Variants in OTUD4 observed in about 807,000 individuals in gnomAD.
The protein encoded by OTUD4 is OTU deubiquitinase 4.
Under a neutral mutation model 130.4 loss-of-function variants are expected in OTUD4, and 24 were observed. The ratio of observed to expected loss-of-function variants is 0.18; its 90% confidence interval spans 0.13 to 0.26. The LOEUF is 0.26. Among genes scored for constraint, OTUD4 ranks in the 10% least tolerant of loss-of-function variants. The pLI, the probability that OTUD4 is intolerant of heterozygous loss-of-function variation, is 1.00. For synonymous variants in OTUD4, 420 were observed against 472.5 expected (o/e 0.89, Z 1.44); for missense variants, 1,031 against 1,329.4 (o/e 0.78, Z 3.49).
In OTUD4 at chr4:145,134,956, TA is replaced by T. The variant is rs1750169530; in HGVS notation, c.*2473del. On this transcript the variant is annotated 3_prime_UTR_variant, in exon 21 of 21. Coordinates refer to ENST00000447906, the MANE Select transcript of OTUD4 (RefSeq NM_001366057.1). ...TTCTATACTTTTGCCTCTATTCTCT[TA>T]TAAAGAAATATGTCAACATAACAGT... 3 of 398,160 alleles carry T rather than the reference TA, an allele frequency of 7.5e-6. No homozygotes were observed. In the East Asian group the frequency reaches 1.1e-4, roughly 14 times the overall value. 24.7% of individuals were successfully genotyped at this position (398,160 alleles called of 1,614,324 possible).
chr4:145,137,945 G>T lies in OTUD4; in HGVS notation c.2830C>A (p.Arg944=). The T allele has an allele frequency of 6.2e-7, 1 of 1,614,130 alleles. No individual in the cohort carries two copies. The highest frequency in any genetic ancestry group is 2.2e-5 in the East Asian group (1 of 44,854). ...EGRTEQSSQT[R]KADTALASIP... ...GAAGCCAATGCCGTATCTGCCTTTC[G>T]TGTCTGGGAAGATTGCTCTGTCCGG... Residue 944 remains arginine, a synonymous_variant, in exon 21 of 21, where the codon CGA becomes AGA. Transcript: ENST00000447906.
At position 145,155,299 on chromosome 4, in the gene OTUD4, T is replaced by C. The variant is rs535469200; in HGVS notation, c.873+112A>G. ...AAAATGTATATACATGATAAATATA[T>C]TCTGAAATCCCAAATTAACAACACA... On this transcript the variant is annotated intron_variant, in intron 10 of 20. Transcript: ENST00000447906. 3 of 814,892 alleles carry C rather than the reference T, an allele frequency of 3.7e-6. No homozygotes were observed. In the South Asian group the frequency reaches 4.6e-5, roughly 13 times the overall value. 50.5% of individuals were successfully genotyped at this position (814,892 alleles called of 1,614,324 possible).
chr4:145,161,294 A>G (rs768275346), intron 6 of OTUD4, among the ~76,000 whole-genome samples: 17 of 152,224 alleles, frequency 1.1e-4, no homozygotes, highest in Non-Finnish European at 1.5e-4. Context: ...TCTAGGAGCT[A>G]TCTTTCCCAA....
intron 3 of OTUD4, among the ~76,000 whole-genome samples, chr4:145,166,088 G>A (rs919927960): frequency 6.6e-6 from 1 of 151,580 alleles, no homozygotes; most frequent in Non-Finnish European, 1.5e-5. Context: ...TTGAACCCAG[G>A]AAGCAGAGGT....
At chr4:145,161,111 A>AAACAACAACAACAACAACAAC (rs70956827) in intron 6 of OTUD4, among the ~76,000 whole-genome samples, 2 of 150,696 alleles carry the variant, frequency 1.3e-5, no homozygotes, top group African/African-American at 2.5e-5. Flanking sequence ...CTCCACCTCA[A>AAACAACAACAACAACAACAAC]AACAACAACA....
intron 2 of OTUD4, among the ~76,000 whole-genome samples, chr4:145,172,167 A>G (rs974182247): frequency 2.0e-5 from 3 of 152,270 alleles, no homozygotes; most frequent in Non-Finnish European, 2.9e-5. Flanking sequence ...CCTTGAGCCC[A>G]GGCAGGACTT....
chr4:145,179,790 G>GGC, intron 1 of OTUD4, 25 bp downstream of exon 1: 2 of 703,086 alleles, frequency 2.8e-6, no homozygotes, highest in Non-Finnish European at 3.9e-6. Flanking sequence ...TCCCCTCGAA[G>GGC]CCCTCCCCGC....
At position 145,138,224 on chromosome 4, in the gene OTUD4, C is replaced by G; in HGVS notation, c.2551G>C (p.Val851Leu). The G allele has an allele frequency of 6.2e-7, 1 of 1,613,988 alleles. No individual in the cohort carries two copies. The highest frequency in any genetic ancestry group is 8.5e-7 in the Non-Finnish European group (1 of 1,179,872). The change falls in exon 21 of 21, where the codon GTT becomes CTT. Residue 851 changes from valine to leucine, a missense_variant. Around this residue, in one of 3 missense-constraint regions of OTUD4, gnomAD observed 900 missense variants for 1,095.9 expected, o/e 0.82. Transcript: ENST00000447906. ...GGAAAGAAAGGAGGTGCAATAGGAA[C>G]TGGGCCTAAGAATGGATTGGGTCCA... ...SFGPNPFLGP[V>L]PIAPPFFPHV...
intron 2 of OTUD4, among the ~76,000 whole-genome samples, chr4:145,173,266 C>T (rs1402300255): frequency 6.6e-6 from 1 of 152,094 alleles, no homozygotes; most frequent in East Asian, 1.9e-4. Flanking sequence ...TGGTGCCAGG[C>T]ACCTGTAGAC....
At chr4:145,143,887 A>T in intron 16 of OTUD4, 59 bp downstream of exon 16, 2 of 1,201,252 alleles carry the variant, frequency 1.7e-6, no homozygotes, top group Non-Finnish European at 2.5e-6. Flanking sequence ...ACTTCTTCCT[A>T]CTGTACTACA....
At position 145,165,207 on chromosome 4, in the gene OTUD4, A is replaced by T. The variant is rs772976546; in HGVS notation, c.295-10T>A. The T allele has an allele frequency of 1.5e-5, 24 of 1,603,804 alleles. No homozygotes were observed. Among genetic ancestry groups the T allele is most frequent in the Non-Finnish European group, 2.0e-5 (23 of 1,172,616 alleles). Reference sequence around the variant, plus strand: ...CTTGTCCTACCCATTCCTGTATTGAAGAAAAAAAGGTGGCATGTAAGTGTC... The same window carrying T: ...CTTGTCCTACCCATTCCTGTATTGATGAAAAAAAGGTGGCATGTAAGTGTC... On this transcript the variant is annotated splice_polypyrimidine_tract_variant and intron_variant, in intron 3 of 20. Transcript: ENST00000447906.
intron 5 of OTUD4, among the ~76,000 whole-genome samples, chr4:145,163,001 A>C (rs1751656804): frequency 6.6e-6 from 1 of 152,238 alleles, no homozygotes; most frequent in Non-Finnish European, 1.5e-5. Flanking sequence ...TCAACTACTT[A>C]AAGAACAAGA....
intron 2 of OTUD4, 23 bp downstream of exon 2, chr4:145,174,638 A>C: frequency 7.5e-7 from 1 of 1,342,018 alleles, no homozygotes; most frequent in East Asian, 2.3e-5. Context: ...AGACACCATT[A>C]CATGTTTGAA....
At position 145,138,022 on chromosome 4, in the gene OTUD4, T is replaced by C. The variant is rs1219653076; in HGVS notation, c.2753A>G (p.Glu918Gly). Residue 918 changes from glutamate (E) to glycine (G), a missense_variant, in exon 21 of 21, where the codon GAA becomes GGA. By Grantham distance (98) the Glu-to-Gly change is moderately conservative. Transcript: ENST00000447906. ...TGCTTCAGGGAGAGAATGTACATGT[T>C]CACCCCTGGCTTCTGGAAACTCATC... ...TVDEFPEARG[E>G]HVHSLPEASV... 3 of 1,614,220 alleles carry C rather than the reference T, an allele frequency of 1.9e-6. No homozygotes were observed. The highest frequency in any genetic ancestry group is 2.2e-5 in the East Asian group (1 of 44,866).
intron 3 of OTUD4, 110 bp downstream of exon 3, chr4:145,171,560 G>A (rs148263423): frequency 2.0e-5 from 12 of 602,354 alleles, no homozygotes; most frequent in Middle Eastern, 4.3e-4. Flanking sequence ...AGGATACACC[G>A]TCACTGCAAC....
intron 11 of OTUD4, 33 bp downstream of exon 11, chr4:145,152,508 C>A (rs1289434810): frequency 2.7e-6 from 3 of 1,123,100 alleles, no homozygotes; most frequent in Non-Finnish European, 4.0e-6. Context: ...ATGGAGGAGG[C>A]AGTAAATGCC....
intron 3 of OTUD4, among the ~76,000 whole-genome samples, chr4:145,165,845 G>C (rs890358788): frequency 1.3e-5 from 2 of 152,066 alleles, no homozygotes; most frequent in Non-Finnish European, 2.9e-5. Context: ...CTGGCACATG[G>C]TATAAGCTCG....
chr4:145,144,387 G>C lies in OTUD4; in HGVS notation c.1470C>G (p.Val490=), dbSNP rs908009995. The change falls in exon 15 of 21, where the codon GTC becomes GTG. Residue 490 remains valine, a synonymous_variant. Transcript: ENST00000447906. The part of the protein sequence containing the change: ...QSASQSSNPC[V]QRKSSHVGDR... ...CACCTACATGTGATGATTTTCTCTGGACACATGGATTGCTACTCTGAGAAG... is the reference window on the plus strand; with the variant it reads ...CACCTACATGTGATGATTTTCTCTGCACACATGGATTGCTACTCTGAGAAG... 6.2e-7 allele frequency: 1 copy of C among 1,612,014 alleles called. No homozygotes were observed. Among genetic ancestry groups the C allele is most frequent in the Non-Finnish European group, 8.5e-7 (1 of 1,178,728 alleles).
intron 15 of OTUD4, 79 bp from the exon 16 acceptor site, chr4:145,144,080 G>A (rs1177040539): frequency 1.6e-6 from 2 of 1,237,668 alleles, no homozygotes; most frequent in African/African-American, 3.0e-5. Flanking sequence ...TACGAAGATA[G>A]AAGAAGCCAA....
Sources: gnomAD v4.1 joint callset for allele counts (sites outside exome capture counted in the v4.1 genomes callset) on GRCh38, gnomAD v4.1.1 for gene constraint, gnomAD v4.1.1 regional missense constraint, MANE v1.5 for transcripts, NCBI Gene and HGNC (gene_info 2026-07-23, HGNC 2026-07-21) for gene names.